The following AKAP13 variants were observed in gnomAD, a reference collection of about 807,000 sequenced individuals.
AKAP13 encodes A-kinase anchoring protein 13.
In AKAP13, 80 loss-of-function variants were observed where a neutral mutation model predicts 264.5. The observed-to-expected ratio is 0.30, with a 90% confidence interval of 0.25 to 0.36. The LOEUF (loss-of-function observed/expected upper bound fraction) is 0.36. AKAP13 is among the 10% of genes least tolerant of loss of function. AKAP13 has a pLI of 1.00. For missense variants in AKAP13, 3,712 were observed against 3,435.2 expected (o/e 1.08, Z -2.01); for synonymous variants, 1,380 against 1,250.2 (o/e 1.10, Z -2.19).
intron 3 of AKAP13, among the ~76,000 whole-genome samples, chr15:85,528,646 A>G (rs1425613656): frequency 1.3e-5 from 2 of 152,150 alleles, no homozygotes; most frequent in Admixed American, 6.5e-5. Flanking sequence ...TTCAAACCTA[A>G]TATTTTCTAC....
chr15:85,652,891 C>A (rs2082923229), intron 10 of AKAP13, among the ~76,000 whole-genome samples: 1 of 152,130 alleles, frequency 6.6e-6, no homozygotes, highest in Admixed American at 6.5e-5. Flanking sequence ...GTGTTGGGAT[C>A]TGGGGACATT....
At chr15:85,641,445 CAAATAAATAAATAAATAAAT>C (rs199664618) in intron 9 of AKAP13, among the ~76,000 whole-genome samples, 36,332 of 97,284 alleles carry the variant, frequency 0.37, 8,011 homozygotes, top group Middle Eastern at 0.51. Context: ...GACTCCATCT[CAAATAAATAAATAAATAAAT>C]AAATAAATAA....
intron 8 of AKAP13, chr15:85,627,796 TC>T (rs1379169214): frequency 6.6e-6 from 1 of 152,274 alleles, no homozygotes; most frequent in African/African-American, 2.4e-5. Flanking sequence ...TTCCATGGCT[TC>T]CTGCAGATTC....
chr15:85,553,129 C>T (rs768964050), intron 5 of AKAP13, among the ~76,000 whole-genome samples: 1 of 132,856 alleles, frequency 7.5e-6, no homozygotes, highest in East Asian at 2.3e-4. Flanking sequence ...TCTTTTTGCC[C>T]AATTTGGAGT....
rs1201858549 is a variant in AKAP13 at position 85,582,117 on chromosome 15, A to G, written c.4039+10A>G. The G allele has an allele frequency of 6.4e-7, 1 of 1,568,844 alleles. No individual in the cohort carries two copies. The highest frequency in any genetic ancestry group is 8.6e-7 in the Non-Finnish European group (1 of 1,160,984). On this transcript the variant is annotated intron_variant, in intron 7 of 36. Transcript: ENST00000394518. Reference sequence around the variant, plus strand: ...CCTGAGCCAGCAGCAGGTAAGCAAAACATAATACAAAATTAACAGTCTGAG... The same window carrying G: ...CCTGAGCCAGCAGCAGGTAAGCAAAGCATAATACAAAATTAACAGTCTGAG...
At chr15:85,508,974 C>CT (rs2076329740) in intron 2 of AKAP13, among the ~76,000 whole-genome samples, 1 of 152,152 alleles carries the variant, frequency 6.6e-6, no homozygotes, top group Non-Finnish European at 1.5e-5. Flanking sequence ...TTCAGACAAA[C>CT]TTTAACCCCT....
At chr15:85,591,096 A>G (rs2079560273) in intron 8 of AKAP13, among the ~76,000 whole-genome samples, 1 of 152,384 alleles carries the variant, frequency 6.6e-6, no homozygotes, top group South Asian at 2.1e-4. Context: ...AAAGAACCTT[A>G]AAGATTTTCT....
intron 2 of AKAP13, among the ~76,000 whole-genome samples, chr15:85,504,782 G>C (rs1403202710): frequency 6.6e-6 from 1 of 151,564 alleles, no homozygotes; most frequent in East Asian, 1.9e-4. Flanking sequence ...GTCTCTTTAA[G>C]TATTGACCTA....
At chr15:85,496,601 A>G (rs2075879070) in intron 2 of AKAP13, among the ~76,000 whole-genome samples, 1 of 152,200 alleles carries the variant, frequency 6.6e-6, no homozygotes, top group Non-Finnish European at 1.5e-5. Flanking sequence ...TAATTTGGTA[A>G]TGGCACAGTT....
chr15:85,560,728 A>G (rs2078341351), intron 5 of AKAP13, among the ~76,000 whole-genome samples: 1 of 152,182 alleles, frequency 6.6e-6, no homozygotes, highest in Admixed American at 6.5e-5. Context: ...AATTAAAACT[A>G]GTGAGTGCTA....
At chr15:85,603,349 A>G (rs549628036) in intron 8 of AKAP13, among the ~76,000 whole-genome samples, 45 of 152,230 alleles carry the variant, frequency 3.0e-4, no homozygotes, top group South Asian at 6.2e-4. Context: ...TCTGGCACCA[A>G]TGCCTTGGTT....
intron 5 of AKAP13, among the ~76,000 whole-genome samples, chr15:85,549,558 A>T (rs373722550): frequency 2.0e-5 from 3 of 152,328 alleles, no homozygotes; most frequent in African/African-American, 7.2e-5. Flanking sequence ...TGAAATAGGC[A>T]TTATCTGTGT....
chr15:85,737,310 C>T (rs1351231645), intron 33 of AKAP13, among the ~76,000 whole-genome samples: 1 of 152,134 alleles, frequency 6.6e-6, no homozygotes, highest in Non-Finnish European at 1.5e-5. Context: ...GCCCATCCCC[C>T]ATCCCACCCC....
At chr15:85,415,347 C>T in intron 1 of AKAP13, 2 of 1,575,010 alleles carry the variant, frequency 1.3e-6, no homozygotes, top group Non-Finnish European at 1.7e-6. Flanking sequence ...AATAGCCAAG[C>T]CAGATTGTAT....
intron 1 of AKAP13, among the ~76,000 whole-genome samples, chr15:85,436,769 C>G (rs996110052): frequency 6.6e-6 from 1 of 151,828 alleles, no homozygotes; most frequent in East Asian, 1.9e-4. Flanking sequence ...TTGAAACCAA[C>G]GAGAACGAAG....
intron 5 of AKAP13, among the ~76,000 whole-genome samples, chr15:85,546,131 G>A (rs1190371163): frequency 6.6e-6 from 1 of 152,074 alleles, no homozygotes; most frequent in Non-Finnish European, 1.5e-5. Flanking sequence ...GTTCACCCAT[G>A]TTGTAACGTG....
intron 1 of AKAP13, among the ~76,000 whole-genome samples, chr15:85,386,613 A>G (rs1340454750): frequency 6.6e-6 from 1 of 152,148 alleles, no homozygotes; most frequent in African/African-American, 2.4e-5. Flanking sequence ...ATCATTTAAA[A>G]TTTTATATTT....
chr15:85,561,096 C>T (rs1017170801), intron 5 of AKAP13, among the ~76,000 whole-genome samples: 25 of 149,112 alleles, frequency 1.7e-4, no homozygotes, highest in East Asian at 5.9e-4. Flanking sequence ...TTTGACTCGC[C>T]GCCCAGGCTG....
In AKAP13 at chr15:85,726,496, A is replaced by AT. The variant is rs757952903; in HGVS notation, c.6822+12dup. 3.1e-6 allele frequency: 5 copies of AT among 1,604,720 alleles called. No individual in the cohort carries two copies. In the Admixed American group the frequency reaches 8.4e-5, roughly 27 times the overall value. On this transcript the variant is annotated intron_variant, in intron 27 of 36. Coordinates refer to ENST00000394518, the MANE Select transcript of AKAP13 (RefSeq NM_007200.5). ...CATCTTTGCATCATTGGTAAGCTGA[A>AT]TTGTTATTTTTGTAATAGTATTATA...
Sources: allele counts gnomAD v4.1 joint callset (sites outside exome capture counted in the v4.1 genomes callset), GRCh38; gene constraint gnomAD v4.1.1; transcripts MANE v1.5; gene names NCBI Gene and HGNC (gene_info 2026-07-23, HGNC 2026-07-21).